SDSL: variants seen among roughly 807,000 people sequenced by gnomAD.
The protein encoded by SDSL is serine dehydratase like.
In SDSL, 26 loss-of-function variants were observed where a neutral mutation model predicts 27.6. The observed-to-expected ratio is 0.94, with a 90% CI of 0.69 to 1.31. The LOEUF (loss-of-function observed/expected upper bound fraction) is 1.31. Ranked by LOEUF, SDSL falls within the 50% of genes most tolerant of loss-of-function variation. The pLI, the probability that SDSL is intolerant of heterozygous loss-of-function variation, is 0.00. For missense variants in SDSL, 431 were observed against 423.5 expected (o/e 1.02, Z -0.16); for synonymous variants, 196 against 180.6 (o/e 1.09, Z -0.69).
chr12:113,423,439 T>C (rs2136946585), intron 1 of SDSL, among the ~76,000 whole-genome samples: 1 of 152,218 alleles, frequency 6.6e-6, no homozygotes, highest in East Asian at 1.9e-4. Context: ...GAGTCAATGG[T>C]GAGTTAATGA....
rs556004925 is a variant in SDSL at position 113,434,895 on chromosome 12, A to C, written c.444-434A>C. ...TTTGGGAGGCCGAGGCGGGTGGATC[A>C]CCTGAGGTCAGGAGTTCGAGGCCAA... On this transcript the variant is annotated intron_variant, in intron 5 of 7. Transcript: ENST00000403593. Among the ~76,000 whole-genome samples, 5 of 152,306 alleles carry C rather than the reference A, an allele frequency of 3.3e-5. No individual in the cohort carries two copies. The South Asian group carries it at 1.0e-3, about 32-fold the overall frequency.
intron 4 of SDSL, among the ~76,000 whole-genome samples, chr12:113,431,395 G>T (rs1957919485): frequency 6.6e-6 from 1 of 152,088 alleles, no homozygotes; most frequent in African/African-American, 2.4e-5. Context: ...GGCTGCTTGG[G>T]GCCCTACAGG....
Position 113,429,204 on chromosome 12 carries a change from G to A in SDSL, c.259G>A (p.Gly87Ser), listed in dbSNP as rs1485323853. The A allele has an allele frequency of 6.2e-7, 1 of 1,613,862 alleles. No homozygotes were observed. Among genetic ancestry groups the A allele is most frequent in the South Asian group, 1.1e-5 (1 of 91,070 alleles). Residue 87 changes from glycine (G) to serine (S), a missense_variant, in exon 4 of 8, where the codon GGC becomes AGC. Transcript: ENST00000403593. Reference sequence around the variant, plus strand: ...TGCTGCCTATGCTGCTAGGAAGCTGGGCATTCCTGCCACCATCGTGCTCCC... The same window carrying A: ...TGCTGCCTATGCTGCTAGGAAGCTGAGCATTCCTGCCACCATCGTGCTCCC... ...IAAAYAARKLGIPATIVLPES... is the reference protein window; with the variant it reads ...IAAAYAARKLSIPATIVLPES...
chr12:113,427,968 T>C lies in SDSL; in HGVS notation c.-15T>C. 3 of 1,604,760 alleles carry C rather than the reference T, an allele frequency of 1.9e-6. No individual in the cohort carries two copies. The highest frequency in any genetic ancestry group is 2.6e-6 in the Non-Finnish European group (3 of 1,175,654). The stretch of plus-strand genomic sequence containing the variant: ...ACTTTGTGTCCTCCTGCAGGCTGTC[T>C]ACCTGGTCTCCAGAATGGACGGCCC... On this transcript the variant is annotated 5_prime_UTR_variant, in exon 2 of 8. Transcript: ENST00000403593.
Position 113,438,124 on chromosome 12 carries a change from A to C in SDSL, c.*45A>C. On this transcript the variant is annotated 3_prime_UTR_variant, in exon 8 of 8. Coordinates refer to ENST00000403593, the MANE Select transcript of SDSL (RefSeq NM_001304993.2). The stretch of plus-strand genomic sequence containing the variant: ...AAAGACCCCTGAGAGGCCCATGGAC[A>C]GTCCTGTGTCTGGATGAGGAGGACT... 1 of 1,520,062 alleles carries C rather than the reference A, an allele frequency of 6.6e-7. No homozygotes were observed. Among genetic ancestry groups the C allele is most frequent in the Non-Finnish European group, 9.0e-7 (1 of 1,113,402 alleles). 94.2% of individuals were successfully genotyped at this position (1,520,062 alleles called of 1,614,324 possible). A position where few individuals can be genotyped will look rare whatever the true frequency, so the allele number is the denominator to read the frequency against.
In SDSL at chr12:113,435,399, G is replaced by T. The variant is rs774602538; in HGVS notation, c.514G>T (p.Ala172Ser). Residue 172 changes from alanine to serine, a missense_variant, in exon 6 of 8, where the codon GCA becomes TCA. Transcript: ENST00000403593. ...GACCCCACCAGGTGCCCTGGTGCTG[G>T]CAGTTGGGGGTGGGGGTCTCCTGGC... ...LRTPPGALVL[A>S]VGGGGLLAGV... 6.2e-7 allele frequency: 1 copy of T among 1,611,038 alleles called. No individual in the cohort carries two copies. The highest frequency in any genetic ancestry group is 1.1e-5 in the South Asian group (1 of 90,712).
intron 4 of SDSL, among the ~76,000 whole-genome samples, chr12:113,432,459 A>T (rs1957946777): frequency 6.6e-6 from 1 of 151,796 alleles, no homozygotes. Context: ...CCGCTGCCTC[A>T]GCCTCCTGAG....
At chr12:113,432,326 C>CTCTCTG (rs1391645251) in intron 4 of SDSL, among the ~76,000 whole-genome samples, 1 of 150,746 alleles carries the variant, frequency 6.6e-6, no homozygotes, top group Non-Finnish European at 1.5e-5. Flanking sequence ...GTCTCTCTCT[C>CTCTCTG]TCTCTGTCTC....
intron 4 of SDSL, 21 bp downstream of exon 4, chr12:113,429,320 A>G (rs544609174): frequency 1.3e-6 from 2 of 1,595,022 alleles, no homozygotes; most frequent in Admixed American, 1.7e-5. Context: ...TGGGAAGGGG[A>G]GAACCATCTG....
At position 113,434,118 on chromosome 12, in the gene SDSL, C is replaced by T; in HGVS notation, c.355-16C>T. 2 of 1,610,396 alleles carry T rather than the reference C, an allele frequency of 1.2e-6. No homozygotes were observed. The highest frequency in any genetic ancestry group is 8.5e-7 in the Non-Finnish European group (1 of 1,177,790). On this transcript the variant is annotated splice_polypyrimidine_tract_variant and intron_variant, in intron 4 of 7. Coordinates refer to ENST00000403593, the MANE Select transcript of SDSL (RefSeq NM_001304993.2). ...CCCACTCCCGGCTGTTCTGAGGGCC[C>T]TTGGTTTCTCTGTAGGTCTGGGACG...
intron 1 of SDSL, among the ~76,000 whole-genome samples, chr12:113,423,084 T>G (rs528322290): frequency 1.3e-5 from 2 of 152,122 alleles, no homozygotes; most frequent in East Asian, 1.9e-4. Context: ...AGGTGCCTGA[T>G]GGGGTCTGGG....
intron 4 of SDSL, among the ~76,000 whole-genome samples, chr12:113,432,274 T>TTCTCTCTCTC (rs1172308401): frequency 1.5e-4 from 13 of 89,304 alleles, no homozygotes; most frequent in African/African-American, 4.9e-4. Context: ...CTTTCTTTCT[T>TTCTCTCTCTC]TCTTTCTTTC....
chr12:113,432,290 T>TTC (rs780184672), intron 4 of SDSL, among the ~76,000 whole-genome samples: 1 of 104,084 alleles, frequency 9.6e-6, no homozygotes, highest in Admixed American at 1.1e-4. Flanking sequence ...CTTTCTTTCT[T>TTC]TCTCTCTCTC....
intron 4 of SDSL, among the ~76,000 whole-genome samples, chr12:113,433,859 C>T (rs1416171153): frequency 6.6e-6 from 1 of 152,232 alleles, no homozygotes; most frequent in Non-Finnish European, 1.5e-5. Flanking sequence ...TGACCCGCTC[C>T]CAGCCTCCCT....
At chr12:113,433,649 T>C (rs111300709) in intron 4 of SDSL, among the ~76,000 whole-genome samples, 4,763 of 152,302 alleles carry the variant, frequency 0.031, 255 homozygotes, top group African/African-American at 0.11. Context: ...GTGGTTGCCT[T>C]GGGTCCATCA....
At chr12:113,424,182 C>T (rs1169971671) in intron 1 of SDSL, among the ~76,000 whole-genome samples, 1 of 151,992 alleles carries the variant, frequency 6.6e-6, no homozygotes, top group African/African-American at 2.4e-5. Flanking sequence ...GCCACCATGC[C>T]CGGCTAATTT....
chr12:113,437,785 C>A (rs1958016497), intron 7 of SDSL, 101 bp from the exon 8 acceptor site: 3 of 1,065,550 alleles, frequency 2.8e-6, no homozygotes, highest in Non-Finnish European at 4.1e-6. Context: ...GGCTGACTGG[C>A]TGGAGAGATG....
At chr12:113,437,832 A>C in intron 7 of SDSL, 54 bp from the exon 8 acceptor site, 1 of 1,505,060 alleles carries the variant, frequency 6.6e-7, no homozygotes, top group South Asian at 1.3e-5. Flanking sequence ...CCTGCTGAGC[A>C]CCGAGTGGTT....
chr12:113,428,185 G>A (rs758899846), intron 2 of SDSL, 29 bp downstream of exon 2: 13 of 1,581,452 alleles, frequency 8.2e-6, no homozygotes, highest in Non-Finnish European at 1.0e-5. Flanking sequence ...GAGGGGAGAA[G>A]TGAGGTTGTG....
Sources: allele counts gnomAD v4.1 joint callset (sites outside exome capture counted in the v4.1 genomes callset), GRCh38; gene constraint gnomAD v4.1.1; transcripts MANE v1.5; gene names NCBI Gene and HGNC (gene_info 2026-07-23, HGNC 2026-07-21).